Variants in TBC1D16 observed in about 807,000 individuals in gnomAD.
TBC1D16 encodes TBC1 domain family member 16.
In TBC1D16, 58 loss-of-function variants were observed where a neutral mutation model predicts 74.7. The ratio of observed to expected loss-of-function variants is 0.78; its 90% CI spans 0.63 to 0.97. TBC1D16 has a LOEUF of 0.97. TBC1D16 is among the 50% of genes least tolerant of loss of function. The pLI, the probability that TBC1D16 is intolerant of heterozygous loss-of-function variation, is 0.00. For missense variants in TBC1D16, 1,014 were observed against 1,079.5 expected, an observed-to-expected ratio of 0.94 and a Z score of 0.85; for synonymous variants, 493 against 474.7, an observed-to-expected ratio of 1.04 and a Z score of -0.50.
intron 1 of TBC1D16, among the ~76,000 whole-genome samples, chr17:80,028,256 C>G (rs577895474): frequency 2.0e-5 from 3 of 151,972 alleles, no homozygotes; most frequent in Non-Finnish European, 2.9e-5. Flanking sequence ...AATAGCCGGG[C>G]GCAGTGGCTC....
In TBC1D16 at chr17:79,941,921, G is replaced by A. The variant is rs556402654; in HGVS notation, c.2055+139C>T. ...CAGTGCTATGGGTGGGGGAGGGCAC[G>A]TGCTGGGGGGCCATGGTGGGGATGG... On this transcript the variant is annotated intron_variant, in intron 11 of 11. Coordinates refer to ENST00000310924, the MANE Select transcript of TBC1D16 (RefSeq NM_019020.4). This position sits in a 1 kb window ranked among gnomAD's most constrained non-coding sequence, Gnocchi z 4.3. The A allele has an allele frequency of 1.9e-5, 14 of 751,052 alleles. No homozygotes were observed. The highest frequency in any genetic ancestry group is 1.4e-4 in the African/African-American group (8 of 56,626). 46.5% of individuals were successfully genotyped at this position (751,052 alleles called of 1,614,324 possible). A position where few individuals can be genotyped will look rare whatever the true frequency, so the allele number is the denominator to read the frequency against.
chr17:79,933,476 A>G lies in TBC1D16; in HGVS notation c.*7383T>C, dbSNP rs62076645. The G allele has an allele frequency of 0.098, 14,860 of 152,264 alleles. 935 individuals carry two copies. The highest frequency in any genetic ancestry group is 0.15 in the Non-Finnish European group (9,877 of 68,010). The allele number at this position is 152,264 out of a possible 1,614,324, so 9.4% of individuals were successfully genotyped here. On this transcript the variant is annotated 3_prime_UTR_variant, in exon 12 of 12. Transcript: ENST00000310924. ...CTGCATCTTGCCTGGGGCCCCTTGT[A>G]TCTCTGGCTCATGGCCTGTCCTGGG...
rs2035425514 is a variant in TBC1D16, at chr17:80,000,020, A to G, written c.779+10140T>C. On this transcript the variant is annotated intron_variant, in intron 3 of 11. Coordinates refer to ENST00000310924, the MANE Select transcript of TBC1D16 (RefSeq NM_019020.4). The surrounding 1 kb of genome is among the most constrained non-coding windows in gnomAD (Gnocchi z 4.1). ...AGCAACTGACATGACAGAAACAAGG[A>G]GTTTCTCAGGGCCCTGATTGTGTTT... Among the ~76,000 whole-genome samples the G allele has an allele frequency of 6.6e-6, 1 of 151,960 alleles. No homozygotes were observed. Among genetic ancestry groups the G allele is most frequent in the Admixed American group, 6.6e-5 (1 of 15,252 alleles).
At position 79,980,690 on chromosome 17, in the gene TBC1D16, T is replaced by G. The variant is rs906525648; in HGVS notation, c.780-27872A>C. Among the ~76,000 whole-genome samples the G allele has an allele frequency of 2.0e-5, 3 of 152,116 alleles. No individual in the cohort carries two copies. The highest frequency in any genetic ancestry group is 2.1e-4 in the South Asian group (1 of 4,820). On this transcript the variant is annotated intron_variant, in intron 3 of 11. Transcript: ENST00000310924. This position sits in a 1 kb window ranked among gnomAD's most constrained non-coding sequence, Gnocchi z 7.0. The stretch of plus-strand genomic sequence containing the variant: ...CTTTGTGACATCCCACATGGCTTGG[T>G]CCCGCCTTTCAGCCCCCCAGGGTTC...
chr17:80,011,158 C>T (rs970107837), intron 2 of TBC1D16, among the ~76,000 whole-genome samples: 1 of 151,932 alleles, frequency 6.6e-6, no homozygotes, highest in African/African-American at 2.4e-5. Context: ...CCTCCCACCT[C>T]AGCTCCCGAG....
Position 79,975,329 on chromosome 17 carries a change from C to G in TBC1D16, c.780-22511G>C, listed in dbSNP as rs2034288478. Among the ~76,000 whole-genome samples the G allele has an allele frequency of 6.6e-6, 1 of 152,218 alleles. No homozygotes were observed. Among genetic ancestry groups the G allele is most frequent in the Non-Finnish European group, 1.5e-5 (1 of 68,038 alleles). The stretch of plus-strand genomic sequence containing the variant: ...AACGCCCAGCTTTGTACAGCCTGAG[C>G]TCTGGCCGACTGGAATTTCTGCCAG... On this transcript the variant is annotated intron_variant, in intron 3 of 11. Coordinates refer to ENST00000310924, the MANE Select transcript of TBC1D16 (RefSeq NM_019020.4). This position sits in a 1 kb window ranked among gnomAD's most constrained non-coding sequence, Gnocchi z 4.5.
rs1364581659 is a variant in TBC1D16, at chr17:79,979,999, G to A, written c.780-27181C>T. ...TCAGGCCTGCCCAACACGGCTGTGG[G>A]CACCGGTGCCTCCCCAGACCCTCTG... On this transcript the variant is annotated intron_variant, in intron 3 of 11. Transcript: ENST00000310924. The surrounding 1 kb of genome is among the most constrained non-coding windows in gnomAD (Gnocchi z 4.8). Among the ~76,000 whole-genome samples, 6 of 152,068 alleles carry A rather than the reference G, an allele frequency of 3.9e-5. No homozygotes were observed. Among genetic ancestry groups the A allele is most frequent in the African/African-American group, 1.4e-4 (6 of 41,394 alleles).
rs1362285959 is a variant in TBC1D16, at chr17:79,941,723, G to A, written c.2055+337C>T. On this transcript the variant is annotated intron_variant, in intron 11 of 11. Coordinates refer to ENST00000310924, the MANE Select transcript of TBC1D16 (RefSeq NM_019020.4). This position sits in a 1 kb window ranked among gnomAD's most constrained non-coding sequence, Gnocchi z 4.3. ...TTCTCAGTGTTCCCAGTTCTGGGTT[G>A]TAAGCGAGGTACCCCAGGGTAGGGA... Among the ~76,000 whole-genome samples, 6 of 152,214 alleles carry A rather than the reference G, an allele frequency of 3.9e-5. No homozygotes were observed. The highest frequency in any genetic ancestry group is 8.8e-5 in the Non-Finnish European group (6 of 68,034).
rs1258854335 is a variant in TBC1D16 at position 79,988,470 on chromosome 17, A to T, written c.779+21690T>A. ...TGCCCAAGGGGCAGAGGGGGCAGCA[A>T]CCGGACGGAAGCTGCCCAATCATAA... On this transcript the variant is annotated intron_variant, in intron 3 of 11. Coordinates refer to ENST00000310924, the MANE Select transcript of TBC1D16 (RefSeq NM_019020.4). The surrounding 1 kb of genome is among the most constrained non-coding windows in gnomAD (Gnocchi z 5.7). Among the ~76,000 whole-genome samples the T allele has an allele frequency of 2.0e-5, 3 of 152,256 alleles. No homozygotes were observed. Among genetic ancestry groups the T allele is most frequent in the African/African-American group, 4.8e-5 (2 of 41,474 alleles).
At chr17:79,966,144 G>A (rs2033831658) in intron 3 of TBC1D16, among the ~76,000 whole-genome samples, 2 of 152,172 alleles carry the variant, frequency 1.3e-5, no homozygotes, top group Admixed American at 1.3e-4. Flanking sequence ...TCCGTGGCTT[G>A]CAGCTGTATC....
chr17:79,974,659 T>C (rs1385823980), intron 3 of TBC1D16, among the ~76,000 whole-genome samples: 1 of 152,138 alleles, frequency 6.6e-6, no homozygotes, highest in African/African-American at 2.4e-5. Flanking sequence ...AGGTGAACCA[T>C]AGAGTTTCTT....
Position 79,944,127 on chromosome 17 carries a change from A to T in TBC1D16, c.1908+781T>A, listed in dbSNP as rs1174514762. ...AGCCCCCTGCGGTGTGAGTGAGGAC[A>T]GGAGACGCTGACGCAAATGTCTTCC... On this transcript the variant is annotated intron_variant, in intron 10 of 11. Coordinates refer to ENST00000310924, the MANE Select transcript of TBC1D16 (RefSeq NM_019020.4). The surrounding 1 kb of genome is among the most constrained non-coding windows in gnomAD (Gnocchi z 7.7). The T allele has an allele frequency of 1.3e-6, 2 of 1,535,982 alleles. No homozygotes were observed. The highest frequency in any genetic ancestry group is 3.9e-5 in the Admixed American group (2 of 51,002).
intron 1 of TBC1D16, among the ~76,000 whole-genome samples, chr17:80,025,120 G>T (rs113599285): frequency 0.92 from 71,721 of 78,176 alleles, 33,344 homozygotes; most frequent in Middle Eastern, 0.95. Context: ...AAACACCACA[G>T]ACACACACAC....
Position 79,971,122 on chromosome 17 carries a change from A to G in TBC1D16, c.780-18304T>C, listed in dbSNP as rs1216919486. Among the ~76,000 whole-genome samples, 1 of 151,758 alleles carries G rather than the reference A, an allele frequency of 6.6e-6. No individual in the cohort carries two copies. On this transcript the variant is annotated intron_variant, in intron 3 of 11. Coordinates refer to ENST00000310924, the MANE Select transcript of TBC1D16 (RefSeq NM_019020.4). The surrounding 1 kb of genome is among the most constrained non-coding windows in gnomAD (Gnocchi z 4.6). ...ACTGCAACCTCCACCTCTCGGGTTCAAGGCATTCTCCTGCCTCAGCCTCCT... is the reference window on the plus strand; with the variant it reads ...ACTGCAACCTCCACCTCTCGGGTTCGAGGCATTCTCCTGCCTCAGCCTCCT...
chr17:80,022,764 G>A (rs944090742), intron 1 of TBC1D16, among the ~76,000 whole-genome samples: 2 of 149,522 alleles, frequency 1.3e-5, no homozygotes, highest in Admixed American at 1.3e-4. Context: ...AGCCTCCCAT[G>A]TAGCTAGGAT....
chr17:79,941,151 C>T lies in TBC1D16; in HGVS notation c.2056-44G>A, dbSNP rs2031943850. On this transcript the variant is annotated intron_variant, in intron 11 of 11. Transcript: ENST00000310924. This position sits in a 1 kb window ranked among gnomAD's most constrained non-coding sequence, Gnocchi z 4.3. ...GGGTGAGGAGGGGCCGGGGGACAGC[C>T]TGGCAGCCTAGGGTCCCCATGGGAG... 2.6e-6 allele frequency: 4 copies of T among 1,513,136 alleles called. No individual in the cohort carries two copies. In the East Asian group the frequency reaches 9.8e-5, roughly 37 times the overall value. 93.7% of individuals were successfully genotyped at this position (1,513,136 alleles called of 1,614,324 possible). A position where few individuals can be genotyped will look rare whatever the true frequency, so the allele number is the denominator to read the frequency against.
chr17:79,989,277 C>T (rs1238623659), intron 3 of TBC1D16, among the ~76,000 whole-genome samples: 1 of 152,222 alleles, frequency 6.6e-6, no homozygotes, highest in Non-Finnish European at 1.5e-5. Flanking sequence ...AAGCCAGAAT[C>T]CCTCCCAGGA....
At chr17:79,962,956 AG>A (rs2033680758) in intron 3 of TBC1D16, among the ~76,000 whole-genome samples, 1 of 151,684 alleles carries the variant, frequency 6.6e-6, no homozygotes, top group African/African-American at 2.4e-5. Flanking sequence ...CAGCTGAGAC[AG>A]GAGAATCGCT....
At chr17:80,034,194 T>C (rs1426666507) in intron 1 of TBC1D16, among the ~76,000 whole-genome samples, 1 of 126,464 alleles carries the variant, frequency 7.9e-6, no homozygotes, top group Non-Finnish European at 1.6e-5. Context: ...AAAAACTTTT[T>C]TTTTCCTTTT....
Sources: allele counts gnomAD v4.1 joint callset (sites outside exome capture counted in the v4.1 genomes callset), GRCh38; gene constraint gnomAD v4.1.1; non-coding constraint Gnocchi (gnomAD v3.1); transcripts MANE v1.5; gene names NCBI Gene and HGNC (gene_info 2026-07-23, HGNC 2026-07-21).